C4orf50: variants seen among roughly 807,000 people sequenced by gnomAD.
C4orf50 encodes uncharacterized protein C4orf50.
A neutral mutation model predicts 77.2 loss-of-function variants in C4orf50; 80 were observed. The ratio of observed to expected loss-of-function variants is 1.04; its 90% CI spans 0.87 to 1.25. The LOEUF (loss-of-function observed/expected upper bound fraction) is 1.25. C4orf50 is among the 50% of genes most tolerant of loss of function. C4orf50 has a pLI of 0.00. For missense variants in C4orf50, 1,257 were observed against 1,152.9 expected (o/e 1.09, Z -1.31); for synonymous variants, 532 against 465.3 (o/e 1.14, Z -1.84).
chr4:5,953,178 G>A (rs1718804481), downstream of C4orf50, among the ~76,000 whole-genome samples: 1 of 152,116 alleles, frequency 6.6e-6, no homozygotes, highest in South Asian at 2.1e-4. Flanking sequence ...GGCATGGAGC[G>A]GGCCTGAATC....
chr4:5,971,899 G>A (rs1456131236), intron 31 of C4orf50, among the ~76,000 whole-genome samples: 1 of 152,168 alleles, frequency 6.6e-6, no homozygotes, highest in Non-Finnish European at 1.5e-5. Flanking sequence ...GCCCTTGGAA[G>A]GTGGGCTGCT....
chr4:5,913,845 G>A (rs1469147060), intron 7 of C4orf50, among the ~76,000 whole-genome samples: 1 of 152,184 alleles, frequency 6.6e-6, no homozygotes, highest in Non-Finnish European at 1.5e-5. Context: ...CCAACAATAG[G>A]TATCAACAGC....
chr4:5,984,304 A>T (rs1408207263), intron 28 of C4orf50, among the ~76,000 whole-genome samples: 2 of 152,256 alleles, frequency 1.3e-5, no homozygotes, highest in Non-Finnish European at 2.9e-5. Flanking sequence ...ATTCCTAGAC[A>T]TGAAGAAGCA....
intron 7 of C4orf50, among the ~76,000 whole-genome samples, chr4:5,948,678 C>T (rs1443939824): frequency 6.6e-6 from 1 of 151,972 alleles, no homozygotes; most frequent in African/African-American, 2.4e-5. Flanking sequence ...ACCTGTAGTC[C>T]CAGCTACTCA....
In C4orf50 at chr4:5,916,434, C is replaced by T. The variant is rs1477113658; in HGVS notation, c.*2475-18246G>A. 6.6e-6 allele frequency among the ~76,000 whole-genome samples: 1 copy of T among 152,154 alleles called. No homozygotes were observed. The highest frequency in any genetic ancestry group is 2.4e-5 in the African/African-American group (1 of 41,428). Reference sequence around the variant, plus strand: ...CCAGGACCTGCCCCCAGAGCTCAGACCCCAGGCACTGGGTTGTTTTCCCTC... The same window carrying T: ...CCAGGACCTGCCCCCAGAGCTCAGATCCCAGGCACTGGGTTGTTTTCCCTC... On this transcript the variant is annotated intron_variant, in intron 7 of 7. Coordinates refer to the C4orf50 transcript ENST00000324058. This position sits in a 1 kb window ranked among gnomAD's most constrained non-coding sequence, Gnocchi z 4.4.
Position 5,932,169 on chromosome 4 carries a change from T to C in C4orf50, c.*2474+24732A>G, listed in dbSNP as rs4396941. The stretch of plus-strand genomic sequence containing the variant: ...ACCTGCCAGGTGTAAACCCACTGGC[T>C]GGCTATCTTCACAGGCAGGTGAACC... On this transcript the variant is annotated intron_variant, in intron 7 of 7. Transcript: ENST00000324058. The surrounding 1 kb of genome is among the most constrained non-coding windows in gnomAD (Gnocchi z 4.2). 0.52 allele frequency among the ~76,000 whole-genome samples: 79,403 copies of C among 151,496 alleles called. 21,307 individuals are homozygous for C. The highest frequency in any genetic ancestry group is 0.79 in the East Asian group (4,028 of 5,108).
chr4:5,982,328 G>T (rs1176354050), intron 28 of C4orf50, among the ~76,000 whole-genome samples: 2 of 152,140 alleles, frequency 1.3e-5, no homozygotes, highest in Non-Finnish European at 2.9e-5. Context: ...TGTCCCATGG[G>T]ATCACCCCAC....
intron 7 of C4orf50, among the ~76,000 whole-genome samples, chr4:5,924,521 G>A (rs981381295): frequency 6.6e-6 from 1 of 152,182 alleles, no homozygotes; most frequent in Non-Finnish European, 1.5e-5. Flanking sequence ...GGCTGAGCAA[G>A]GGTAGAGAAA....
At chr4:5,936,605 A>G (rs1009222014) in intron 7 of C4orf50, among the ~76,000 whole-genome samples, 1 of 150,656 alleles carries the variant, frequency 6.6e-6, no homozygotes, top group South Asian at 2.1e-4. Context: ...AGAGTTAGAC[A>G]TAAGTTAGAT....
intron 33 of C4orf50, among the ~76,000 whole-genome samples, chr4:5,962,807 G>T (rs74445924): frequency 0.017 from 2,610 of 152,166 alleles, 77 homozygotes; most frequent in African/African-American, 0.059. Context: ...GTAAGATTTG[G>T]GTGTGTTTTC....
At chr4:5,899,203 T>C (rs1206605283) in intron 7 of C4orf50, 4 of 152,196 alleles carry the variant, frequency 2.6e-5, no homozygotes, top group African/African-American at 9.7e-5. Flanking sequence ...CAAAGCTAGG[T>C]AGGAATGCAG....
intron 31 of C4orf50, 62 bp downstream of exon 9, chr4:5,973,597 A>C (rs1024291167): frequency 3.1e-5 from 43 of 1,376,710 alleles, no homozygotes; most frequent in Non-Finnish European, 4.1e-5. Context: ...AGGCAGGGGC[A>C]TGCAAGGGAC....
exon 28 of C4orf50, chr4:5,988,868 T>A (rs1721071020): frequency 6.5e-7 from 1 of 1,535,952 alleles, no homozygotes; most frequent in African/African-American, 1.4e-5. Flanking sequence ...AGCTCCGAGA[T>A]CAGTGTCTGG....
At chr4:5,972,118 C>A (rs753469542) in intron 31 of C4orf50, among the ~76,000 whole-genome samples, 6 of 151,880 alleles carry the variant, frequency 4.0e-5, no homozygotes, top group Non-Finnish European at 5.9e-5. Flanking sequence ...GATTCTCCTG[C>A]CTCAGCCTCC....
At chr4:5,972,179 A>C (rs1279306405) in intron 31 of C4orf50, among the ~76,000 whole-genome samples, 1 of 151,676 alleles carries the variant, frequency 6.6e-6, no homozygotes, top group Non-Finnish European at 1.5e-5. Flanking sequence ...TAATTTTTGT[A>C]TTTTTAGTAG....
intron 28 of C4orf50, among the ~76,000 whole-genome samples, chr4:5,985,524 A>G (rs564188583): frequency 1.1e-4 from 16 of 152,206 alleles, no homozygotes; most frequent in African/African-American, 3.6e-4. Context: ...TGAAATGCCA[A>G]GGGTAACCAC....
Position 5,992,263 on chromosome 4 carries a change from A to G in C4orf50, c.1221+540T>C, listed in dbSNP as rs1169253568. 6.6e-6 allele frequency among the ~76,000 whole-genome samples: 1 copy of G among 152,206 alleles called. No individual in the cohort carries two copies. The highest frequency in any genetic ancestry group is 1.5e-5 in the Non-Finnish European group (1 of 68,032). On this transcript the variant is annotated intron_variant, in intron 27 of 33. Coordinates refer to ENST00000531445, the Ensembl canonical transcript of C4orf50. This position sits in a 1 kb window ranked among gnomAD's most constrained non-coding sequence, Gnocchi z 5.0. ...TCTCTATTTACAACCACACAACCAC[A>G]GCCGGGCTCGCGGGTCCCAGCACAG... is the stretch of plus-strand genomic sequence containing the variant.
chr4:5,940,929 C>G (rs1718233880), intron 7 of C4orf50, among the ~76,000 whole-genome samples: 1 of 152,160 alleles, frequency 6.6e-6, no homozygotes, highest in Non-Finnish European at 1.5e-5. Flanking sequence ...ATGCCTAGCA[C>G]CAATGGCCAG....
intron 25 of C4orf50, among the ~76,000 whole-genome samples, chr4:5,997,113 G>T (rs1268059114): frequency 1.3e-5 from 2 of 152,224 alleles, no homozygotes; most frequent in Non-Finnish European, 2.9e-5. Flanking sequence ...AGAGAGAGAA[G>T]TCGAAGGAAG....
Sources: gnomAD v4.1 joint callset for allele counts (sites outside exome capture counted in the v4.1 genomes callset) on GRCh38, gnomAD v4.1.1 for gene constraint, Gnocchi (gnomAD v3.1) non-coding constraint, MANE v1.5 for transcripts, NCBI Gene and HGNC (gene_info 2026-07-23, HGNC 2026-07-21) for gene names.